The following TXNRD2 variants were observed in gnomAD, a reference collection of about 807,000 sequenced individuals.
The protein encoded by TXNRD2 is thioredoxin reductase 2, mitochondrial.
In TXNRD2, 67 loss-of-function variants were observed where a neutral mutation model predicts 70.8. The ratio of observed to expected loss-of-function variants is 0.95; its 90% CI spans 0.78 to 1.16. The LOEUF is 1.16. TXNRD2 is among the 50% of genes most tolerant of loss of function. The pLI, the probability that TXNRD2 is intolerant of heterozygous loss-of-function variation, is 0.00. For missense variants in TXNRD2, 644 were observed against 719.9 expected (o/e 0.89, Z 1.21); for synonymous variants, 301 against 295.8 (o/e 1.02, Z -0.18).
intron 11 of TXNRD2, among the ~76,000 whole-genome samples, chr22:19,892,413 T>C (rs1241741096): frequency 6.6e-6 from 1 of 152,228 alleles, no homozygotes; most frequent in East Asian, 1.9e-4. Context: ...GGCCAAGGAC[T>C]GTGAAAAGCT....
At chr22:19,927,714 G>A (rs180996227) in intron 2 of TXNRD2, among the ~76,000 whole-genome samples, 1 of 149,624 alleles carries the variant, frequency 6.7e-6, no homozygotes, top group Non-Finnish European at 1.5e-5. Context: ...GAAAAAAACA[G>A]TATTCATAGG....
intron 2 of TXNRD2, among the ~76,000 whole-genome samples, chr22:19,923,695 G>A (rs753229118): frequency 3.9e-5 from 6 of 152,036 alleles, no homozygotes; most frequent in African/African-American, 9.7e-5. Context: ...CCAGCTACTC[G>A]GGAGGCTGAG....
At chr22:19,883,240 C>T (rs1324931778) in intron 12 of TXNRD2, 85 bp downstream of exon 12, 1 of 1,539,214 alleles carries the variant, frequency 6.5e-7, no homozygotes, top group Admixed American at 1.8e-5. Context: ...TTCTCTCCTA[C>T]AGGACGGCAG....
At chr22:19,899,107 G>T in intron 8 of TXNRD2, 39 bp from the exon 9 acceptor site, 1 of 1,606,188 alleles carries the variant, frequency 6.2e-7, no homozygotes, top group East Asian at 2.2e-5. Context: ...GTAAAGCTGA[G>T]GCCCTTATTG....
At chr22:19,911,929 C>A (rs1409415810) in intron 7 of TXNRD2, among the ~76,000 whole-genome samples, 1 of 152,190 alleles carries the variant, frequency 6.6e-6, no homozygotes, top group Non-Finnish European at 1.5e-5. Context: ...TCAGGGCCAG[C>A]AGAGCTCAGG....
At chr22:19,898,961 C>G in intron 9 of TXNRD2, 88 bp downstream of exon 9, 4 of 1,545,632 alleles carry the variant, frequency 2.6e-6, no homozygotes, top group Non-Finnish European at 3.5e-6. Flanking sequence ...CAGCAAAGAG[C>G]CTGCCGGAAG....
intron 8 of TXNRD2, among the ~76,000 whole-genome samples, chr22:19,906,675 T>G (rs918352170): frequency 1.3e-5 from 2 of 152,124 alleles, no homozygotes; most frequent in Admixed American, 6.6e-5. Context: ...AAAAAGTGAT[T>G]GGTGTGACAA....
At chr22:19,902,427 G>C (rs1370087629) in intron 8 of TXNRD2, among the ~76,000 whole-genome samples, 1 of 152,212 alleles carries the variant, frequency 6.6e-6, no homozygotes, top group Non-Finnish European at 1.5e-5. Flanking sequence ...TCTTGAGCTT[G>C]AAGGCCTGCT....
chr22:19,909,884 C>CCACACACATCCT (rs745744670), intron 8 of TXNRD2, among the ~76,000 whole-genome samples: 1 of 44,822 alleles, frequency 2.2e-5, no homozygotes, highest in Non-Finnish European at 3.5e-5. Flanking sequence ...TCACACACAC[C>CCACACACATCCT]ACTCACACAC....
intron 10 of TXNRD2, among the ~76,000 whole-genome samples, chr22:19,896,372 AAAAC>A (rs1939509681): frequency 2.6e-5 from 4 of 152,230 alleles, no homozygotes; most frequent in African/African-American, 9.7e-5. Flanking sequence ...TTAAAAAACA[AAAAC>A]AAAAAACTTA....
intron 17 of TXNRD2, chr22:19,876,776 G>T: frequency 4.4e-6 from 1 of 228,886 alleles, no homozygotes. Context: ...GGCTGCTAAG[G>T]ATGAGCCCCG....
Position 19,886,748 on chromosome 22 carries a change from TC to T in TXNRD2, c.950-3288del, listed in dbSNP as rs1184550287. The stretch of plus-strand genomic sequence containing the variant: ...GCCTCCCCATGGGGCGGCTCTGTGC[TC>T]CCTGCAGCTCCGTCCTCGAAGCCTT... On this transcript the variant is annotated intron_variant, in intron 11 of 17. Coordinates refer to ENST00000400521, the MANE Select transcript of TXNRD2 (RefSeq NM_006440.5). 1.1e-4 allele frequency among the ~76,000 whole-genome samples: 16 copies of T among 152,358 alleles called. No homozygotes were observed. In the East Asian group the frequency reaches 3.1e-3, roughly 29 times the overall value.
At chr22:19,924,163 C>A (rs949867069) in intron 2 of TXNRD2, among the ~76,000 whole-genome samples, 2 of 151,926 alleles carry the variant, frequency 1.3e-5, no homozygotes, top group Non-Finnish European at 2.9e-5. Flanking sequence ...AACGCCCAGC[C>A]CTCAGTGGTT....
At chr22:19,913,500 G>A (rs1940504725) in intron 7 of TXNRD2, among the ~76,000 whole-genome samples, 1 of 152,190 alleles carries the variant, frequency 6.6e-6, no homozygotes, top group Admixed American at 6.5e-5. Context: ...GCTCAGCCAG[G>A]GCTAAAAGCC....
At chr22:19,883,000 T>A (rs1348100515) in intron 12 of TXNRD2, among the ~76,000 whole-genome samples, 1 of 152,242 alleles carries the variant, frequency 6.6e-6, no homozygotes, top group African/African-American at 2.4e-5. Flanking sequence ...AGCCTATGCC[T>A]CTAGCCTACC....
chr22:19,897,683 T>G (rs756409122), intron 10 of TXNRD2, among the ~76,000 whole-genome samples: 1 of 151,912 alleles, frequency 6.6e-6, no homozygotes, highest in African/African-American at 2.4e-5. Flanking sequence ...GAGCAGGGAG[T>G]TGGGGGTCTC....
chr22:19,883,423 C>T lies in TXNRD2; in HGVS notation c.988G>A (p.Ala330Thr). 4.3e-6 allele frequency: 7 copies of T among 1,614,050 alleles called. No homozygotes were observed. Among genetic ancestry groups the T allele is most frequent in the Non-Finnish European group, 5.9e-6 (7 of 1,180,036 alleles). Reference protein sequence around the residue: ...PDTRSLNLEKAGVDTSPDTQK... With the variant: ...PDTRSLNLEKTGVDTSPDTQK... Reference sequence around the variant, plus strand: ...GTGTCGGGGCTAGTATCTACCCCAGCCTTCTCCAAATTCAGACTTCTGGTG... The same window carrying T: ...GTGTCGGGGCTAGTATCTACCCCAGTCTTCTCCAAATTCAGACTTCTGGTG... Residue 330 changes from alanine to threonine, a missense_variant, in exon 12 of 18, where the codon GCT (alanine) becomes ACT (threonine). By Grantham distance (58) the Ala-to-Thr change is moderately conservative. Coordinates refer to ENST00000400521, the MANE Select transcript of TXNRD2 (RefSeq NM_006440.5).
At chr22:19,934,382 G>GAAAAAAAAAAA (rs35669821) in intron 1 of TXNRD2, among the ~76,000 whole-genome samples, 1 of 93,762 alleles carries the variant, frequency 1.1e-5, no homozygotes, top group Non-Finnish European at 2.1e-5. Flanking sequence ...CTCTGTCTCA[G>GAAAAAAAAAAA]AAAAAAAAAA....
chr22:19,926,163 C>T (rs960968343), intron 2 of TXNRD2, among the ~76,000 whole-genome samples: 3 of 86,688 alleles, frequency 3.5e-5, no homozygotes, highest in African/African-American at 1.4e-4. Context: ...AACTCCGTCT[C>T]AAAAAAAAAA....
Sources: gnomAD v4.1 joint callset for allele counts (sites outside exome capture counted in the v4.1 genomes callset) on GRCh38, gnomAD v4.1.1 for gene constraint, MANE v1.5 for transcripts, NCBI Gene and HGNC (gene_info 2026-07-23, HGNC 2026-07-21) for gene names.